Variants in BAIAP2 observed in about 807,000 individuals in gnomAD.
BAIAP2 encodes BAR/IMD domain containing adaptor protein 2, also known as BAR/IMD domain-containing adapter protein 2.
BAIAP2 carries 18 observed loss-of-function variants against 63.0 expected under a neutral mutation model. That is an observed-to-expected ratio of 0.29 (90% CI 0.20 to 0.42). The LOEUF (loss-of-function observed/expected upper bound fraction) is 0.42, where lower values mean the gene tolerates loss of function less well. Among genes scored for constraint, BAIAP2 ranks in the 10% least tolerant of loss-of-function variants. BAIAP2 has a pLI of 1.00. For synonymous variants in BAIAP2, 386 were observed against 307.6 expected (o/e 1.25, Z -2.67); for missense variants, 610 against 734.3 (o/e 0.83, Z 1.96).
chr17:81,074,990 A>G (rs1182916019), intron 3 of BAIAP2, among the ~76,000 whole-genome samples: 1 of 152,244 alleles, frequency 6.6e-6, no homozygotes, highest in East Asian at 1.9e-4. Context: ...TCTAAACCAC[A>G]GGGAAGAATG....
intron 13 of BAIAP2, chr17:81,110,922 T>C (rs1358161892): frequency 6.2e-7 from 1 of 1,613,822 alleles, no homozygotes; most frequent in Non-Finnish European, 8.5e-7. Flanking sequence ...AGCGCCGATG[T>C]GGAAGTGGCC....
intron 3 of BAIAP2, among the ~76,000 whole-genome samples, chr17:81,058,368 G>A (rs4969369): frequency 0.59 from 90,191 of 152,094 alleles, 27,332 homozygotes; most frequent in East Asian, 0.87. Context: ...CCCCAGCAGC[G>A]TGAGTGGGTG....
chr17:81,095,972 C>T (rs1039268486), intron 6 of BAIAP2, among the ~76,000 whole-genome samples: 1 of 152,146 alleles, frequency 6.6e-6, no homozygotes, highest in African/African-American at 2.4e-5. Flanking sequence ...CCTAAAAACC[C>T]AGAAACCGCC....
At chr17:81,069,690 C>T (rs981886534) in intron 3 of BAIAP2, among the ~76,000 whole-genome samples, 20 of 152,192 alleles carry the variant, frequency 1.3e-4, no homozygotes, top group Admixed American at 3.3e-4. Context: ...TCTGCCCACT[C>T]GGGGGACTCT....
chr17:81,109,649 G>T, intron 13 of BAIAP2: 6 of 984,986 alleles, frequency 6.1e-6, no homozygotes, highest in Non-Finnish European at 7.2e-6. Context: ...CCGGGCCCGG[G>T]CACCTGAGGG....
chr17:81,074,490 CTG>C (rs1198796371), intron 3 of BAIAP2, among the ~76,000 whole-genome samples: 2 of 146,412 alleles, frequency 1.4e-5, no homozygotes, highest in Non-Finnish European at 3.0e-5. Context: ...ATGTGAATGC[CTG>C]TGTCTGTGCG....
chr17:81,069,378 A>G (rs889367975), intron 3 of BAIAP2, among the ~76,000 whole-genome samples: 1 of 152,094 alleles, frequency 6.6e-6, no homozygotes, highest in African/African-American at 2.4e-5. Flanking sequence ...CGCTCATGCC[A>G]TCTCCATGGA....
In BAIAP2 at chr17:81,116,144, G is replaced by A; in HGVS notation, c.*305G>A. 4.4e-6 allele frequency: 7 copies of A among 1,596,920 alleles called. No homozygotes were observed. The highest frequency in any genetic ancestry group is 6.0e-6 in the Non-Finnish European group (7 of 1,172,126). On this transcript the variant is annotated 3_prime_UTR_variant, in exon 14 of 14. Coordinates refer to ENST00000428708, the MANE Select transcript of BAIAP2 (RefSeq NM_001144888.2). Reference sequence around the variant, plus strand: ...CCTTGGGTACCCCTGAGTTAAGGGAGGACATTTGGCCAGCTGGTGGCTGGG... The same window carrying A: ...CCTTGGGTACCCCTGAGTTAAGGGAAGACATTTGGCCAGCTGGTGGCTGGG...
chr17:81,052,892 A>G (rs960682460), intron 1 of BAIAP2, among the ~76,000 whole-genome samples: 14 of 152,140 alleles, frequency 9.2e-5, no homozygotes, highest in Non-Finnish European at 1.3e-4. Context: ...AATGACCGGA[A>G]GACACGGGAG....
Position 81,110,556 on chromosome 17 carries a change from T to C in BAIAP2, c.1535+2047T>C, listed in dbSNP as rs923600907. On this transcript the variant is annotated intron_variant, in intron 13 of 13. Coordinates refer to ENST00000428708, the MANE Select transcript of BAIAP2 (RefSeq NM_001144888.2). Reference sequence around the variant, plus strand: ...TCCTTCCGGTTCCCGGCGTGCGTCTTTGCCGTGGGGGCCCCGCCTTGTGCC... The same window carrying C: ...TCCTTCCGGTTCCCGGCGTGCGTCTCTGCCGTGGGGGCCCCGCCTTGTGCC... 8.7e-6 allele frequency: 10 copies of C among 1,152,192 alleles called. No homozygotes were observed. The African/African-American group carries it at 1.6e-4, about 18-fold the overall frequency. 71.4% of individuals were successfully genotyped at this position (1,152,192 alleles called of 1,614,324 possible).
intron 6 of BAIAP2, among the ~76,000 whole-genome samples, chr17:81,092,307 C>T (rs368409887): frequency 1.1e-4 from 17 of 152,238 alleles, no homozygotes; most frequent in South Asian, 4.1e-4. Context: ...CCGAGGCCCC[C>T]GATGCGCACT....
intron 1 of BAIAP2, 36 bp from the exon 2 acceptor site, chr17:81,053,632 T>G (rs781026017): frequency 6.2e-6 from 10 of 1,612,582 alleles, no homozygotes; most frequent in Non-Finnish European, 7.6e-6. Flanking sequence ...GGGTGACCTC[T>G]GCCAGTAATG....
chr17:81,060,265 C>A (rs2050319151), intron 3 of BAIAP2, among the ~76,000 whole-genome samples: 1 of 152,152 alleles, frequency 6.6e-6, no homozygotes, highest in Non-Finnish European at 1.5e-5. Context: ...AACCATTGCC[C>A]CATCTAACTC....
chr17:81,100,268 T>C (rs577297303), intron 7 of BAIAP2, among the ~76,000 whole-genome samples, 188 bp downstream of exon 7: 1 of 152,312 alleles, frequency 6.6e-6, no homozygotes, highest in South Asian at 2.1e-4. Flanking sequence ...GCAGGCATTT[T>C]GAAGACTCAC....
At chr17:81,107,005 C>CT in intron 12 of BAIAP2, 98 bp downstream of exon 12, 1 of 1,362,446 alleles carries the variant, frequency 7.3e-7, no homozygotes, top group South Asian at 1.5e-5. Context: ...GGCGGGGCGC[C>CT]TGGGGGTCTG....
At chr17:81,102,835 G>A (rs2058676521) in intron 7 of BAIAP2, among the ~76,000 whole-genome samples, 2 of 152,198 alleles carry the variant, frequency 1.3e-5, no homozygotes, top group African/African-American at 4.8e-5. Flanking sequence ...TCCAGGCCCT[G>A]CAGCCTGCTT....
chr17:81,093,052 G>T (rs1200892123), intron 6 of BAIAP2, among the ~76,000 whole-genome samples: 1 of 151,410 alleles, frequency 6.6e-6, no homozygotes, highest in African/African-American at 2.4e-5. Context: ...GGAACCCAGG[G>T]TGGGAGGCGA....
intron 1 of BAIAP2, among the ~76,000 whole-genome samples, chr17:81,038,888 C>T (rs967899060): frequency 9.4e-5 from 4 of 42,608 alleles, no homozygotes; most frequent in African/African-American, 2.8e-4. Context: ...GCATTGGAGT[C>T]GCCTTCCTGG....
Position 81,068,745 on chromosome 17 carries a change from G to T in BAIAP2, c.217+10778G>T, listed in dbSNP as rs144032301. ...CTTGGTTGTGACATGAAGTCCTGCGGGAGGGCCTGGGGGGACTCCGGTCCC... is the reference window on the plus strand; with the variant it reads ...CTTGGTTGTGACATGAAGTCCTGCGTGAGGGCCTGGGGGGACTCCGGTCCC... On this transcript the variant is annotated intron_variant, in intron 3 of 13. Coordinates refer to ENST00000428708, the MANE Select transcript of BAIAP2 (RefSeq NM_001144888.2). Among the ~76,000 whole-genome samples, 150 of 152,306 alleles carry T rather than the reference G, an allele frequency of 9.8e-4. 1 individual carries two copies. In the East Asian group the frequency reaches 0.027, roughly 27 times the overall value.
Sources: gnomAD v4.1 joint callset for allele counts (sites outside exome capture counted in the v4.1 genomes callset) on GRCh38, gnomAD v4.1.1 for gene constraint, MANE v1.5 for transcripts, NCBI Gene and HGNC (gene_info 2026-07-23, HGNC 2026-07-21) for gene names.